The following TRIM16 variants were observed in gnomAD, a reference collection of about 807,000 sequenced individuals.
TRIM16 encodes tripartite motif containing 16, also known as tripartite motif-containing protein 16.
Under a neutral mutation model 50.4 loss-of-function variants are expected in TRIM16, and 33 were observed. The observed-to-expected ratio is 0.65, with a 90% CI of 0.50 to 0.88. The LOEUF (loss-of-function observed/expected upper bound fraction) is 0.88, where lower values mean the gene tolerates loss of function less well. TRIM16 is among the 40% of genes least tolerant of loss of function. The pLI, the probability that TRIM16 is intolerant of heterozygous loss-of-function variation, is 0.00. For missense variants in TRIM16, 581 were observed against 686.8 expected, an observed-to-expected ratio of 0.85 and a Z score of 1.72; for synonymous variants, 229 against 270.7, an observed-to-expected ratio of 0.85 and a Z score of 1.51.
At chr17:15,635,857 C>T (rs1567670758) in intron 9 of TRIM16, among the ~76,000 whole-genome samples, 179 bp downstream of exon 9, 1 of 137,514 alleles carries the variant, frequency 7.3e-6, no homozygotes, top group Admixed American at 7.3e-5. Flanking sequence ...GAGCAGTTCT[C>T]CCTCCCTACC....
chr17:15,658,468 ATAT>A (rs1988074640), intron 6 of TRIM16, among the ~76,000 whole-genome samples: 1 of 152,174 alleles, frequency 6.6e-6, no homozygotes, highest in Admixed American at 6.5e-5. Flanking sequence ...AACACAGGTA[ATAT>A]TTGTCCACCA....
chr17:15,655,992 A>C (rs1200608458), intron 6 of TRIM16, among the ~76,000 whole-genome samples: 3 of 152,122 alleles, frequency 2.0e-5, no homozygotes, highest in Non-Finnish European at 4.4e-5. Flanking sequence ...GTGGGGTCTA[A>C]GTGCATGTCC....
chr17:15,647,359 C>G (rs562014113), intron 7 of TRIM16, among the ~76,000 whole-genome samples: 4 of 152,368 alleles, frequency 2.6e-5, no homozygotes, highest in African/African-American at 7.2e-5. Flanking sequence ...GCCAGTTAAC[C>G]GCTCCCCAGA....
chr17:15,683,232 T>C (rs1349663693), intron 1 of TRIM16, 75 bp from the exon 2 acceptor site: 2 of 1,132,882 alleles, frequency 1.8e-6, no homozygotes, highest in Admixed American at 2.4e-5. Context: ...GAGACTCTAC[T>C]CAGAACGCAG....
In TRIM16 at chr17:15,671,091, C is replaced by T. The variant is rs533646584; in HGVS notation, c.-338+6085G>A. ...AAATTGGCATATCTTCTGATACAGTCAACTTTGGCAAACCAAGGAAAAACA... is the reference window on the plus strand; with the variant it reads ...AAATTGGCATATCTTCTGATACAGTTAACTTTGGCAAACCAAGGAAAAACA... On this transcript the variant is annotated intron_variant, in intron 6 of 11. Coordinates refer to ENST00000649191, the MANE Select transcript of TRIM16 (RefSeq NM_001348119.1). Among the ~76,000 whole-genome samples the T allele has an allele frequency of 4.6e-5, 7 of 152,388 alleles. No individual in the cohort carries two copies. In the East Asian group the frequency reaches 1.3e-3, roughly 29 times the overall value.
rs538599674 is a variant in TRIM16, at chr17:15,642,090, C to T, written c.615+631G>A. Among the ~76,000 whole-genome samples, 38 of 148,962 alleles carry T rather than the reference C, an allele frequency of 2.6e-4. 1 individual carries two copies. The highest frequency in any genetic ancestry group is 1.6e-3 in the Admixed American group (24 of 15,054). On this transcript the variant is annotated intron_variant, in intron 8 of 11. Coordinates refer to ENST00000649191, the MANE Select transcript of TRIM16 (RefSeq NM_001348119.1). ...AACTCCTGACCTCAAGTGATCCACC[C>T]ACTTCAGCCTCTCAAAGTGTTGGGA...
intron 1 of TRIM16, chr17:15,683,474 A>G (rs1274873038): frequency 2.5e-5 from 5 of 197,290 alleles, no homozygotes; most frequent in Non-Finnish European, 5.2e-5. Flanking sequence ...CCTGGATTCT[A>G]ATTTCCACTA....
intron 8 of TRIM16, among the ~76,000 whole-genome samples, chr17:15,641,449 G>A (rs1987111638): frequency 6.7e-6 from 1 of 148,650 alleles, no homozygotes; most frequent in Non-Finnish European, 1.5e-5. Flanking sequence ...CCTTGTGCAT[G>A]GTAGCTATTG....
intron 6 of TRIM16, among the ~76,000 whole-genome samples, chr17:15,664,702 A>C (rs1211954518): frequency 6.6e-6 from 1 of 152,068 alleles, no homozygotes; most frequent in Non-Finnish European, 1.5e-5. Flanking sequence ...TCACAGTATC[A>C]ACGTCATGAT....
chr17:15,654,929 A>G (rs1022064893), intron 6 of TRIM16, among the ~76,000 whole-genome samples: 3 of 152,088 alleles, frequency 2.0e-5, no homozygotes, highest in Non-Finnish European at 4.4e-5. Flanking sequence ...CCACAGCACT[A>G]TGAGATGGGG....
At chr17:15,678,200 C>T (rs1420993188) in intron 4 of TRIM16, among the ~76,000 whole-genome samples, 2 of 146,958 alleles carry the variant, frequency 1.4e-5, no homozygotes, top group South Asian at 2.1e-4. Flanking sequence ...GCCTGGGCAA[C>T]AGAACGAGAC....
At position 15,642,802 on chromosome 17, in the gene TRIM16, G is replaced by A. The variant is rs760761582; in HGVS notation, c.534C>T (p.Cys178=). 9 of 705,918 alleles carry A rather than the reference G, an allele frequency of 1.3e-5. 2 individuals carry two copies. Among genetic ancestry groups the A allele is most frequent in the South Asian group, 1.2e-4 (7 of 56,086 alleles). 43.7% of individuals were successfully genotyped at this position (705,918 alleles called of 1,614,324 possible). A position where few individuals can be genotyped will look rare whatever the true frequency, so the allele number is the denominator to read the frequency against. The change falls in exon 8 of 12, where the codon TGC becomes TGT. Residue 178 remains cysteine, a synonymous_variant. Coordinates refer to ENST00000649191, the MANE Select transcript of TRIM16 (RefSeq NM_001348119.1). ...ARRDKEAELQ[C]TQLDLERKLK... ...GTTTCCGCTCCAAGTCTAACTGGGT[G>A]CACTGGAGTTCAGCCTAAAAGTGGA...
At chr17:15,671,958 C>T (rs1436070758) in intron 6 of TRIM16, among the ~76,000 whole-genome samples, 7 of 151,776 alleles carry the variant, frequency 4.6e-5, no homozygotes, top group Non-Finnish European at 8.8e-5. Context: ...TGCCTCTTAA[C>T]TTAAAGAAAA....
intron 6 of TRIM16, among the ~76,000 whole-genome samples, chr17:15,676,437 T>C (rs1320891850): frequency 2.7e-5 from 4 of 150,212 alleles, no homozygotes; most frequent in African/African-American, 4.9e-5. Context: ...TTTTCTTTTT[T>C]TTTTTTTTTT....
Position 15,651,643 on chromosome 17 carries a change from T to C in TRIM16, c.-34A>G, listed in dbSNP as rs370573399. ...CTCTGCTCCTAGGCTGTCTTTCTTC[T>C]GTCCCTTGGCCCAGGATCTGTGCAG... On this transcript the variant is annotated 5_prime_UTR_variant, in exon 7 of 12. Coordinates refer to ENST00000649191, the MANE Select transcript of TRIM16 (RefSeq NM_001348119.1). The C allele has an allele frequency of 4.4e-6, 7 of 1,599,496 alleles. No homozygotes were observed. The African/African-American group carries it at 6.7e-5, about 15-fold the overall frequency.
At chr17:15,670,661 TG>T (rs1289621850) in intron 6 of TRIM16, among the ~76,000 whole-genome samples, 3 of 152,202 alleles carry the variant, frequency 2.0e-5, no homozygotes, top group Non-Finnish European at 4.4e-5. Context: ...ACAGGGATGA[TG>T]ACAAATGATC....
intron 4 of TRIM16, 52 bp downstream of exon 4, chr17:15,680,813 C>G (rs1597682800): frequency 6.6e-7 from 1 of 1,507,216 alleles, no homozygotes; most frequent in East Asian, 2.5e-5. Flanking sequence ...AGGAAAATCC[C>G]CAACTCAATT....
chr17:15,655,597 C>T (rs150609444), intron 6 of TRIM16, among the ~76,000 whole-genome samples: 12 of 150,650 alleles, frequency 8.0e-5, no homozygotes, highest in Non-Finnish European at 1.5e-4. Context: ...TTTTTTGAGA[C>T]GGAGTATCGC....
intron 6 of TRIM16, among the ~76,000 whole-genome samples, chr17:15,665,956 CAG>C (rs983123767): frequency 2.0e-5 from 3 of 152,212 alleles, no homozygotes; most frequent in African/African-American, 7.2e-5. Context: ...GTTCTTTTCT[CAG>C]AGATTGCCAC....
Sources: gnomAD v4.1 joint callset for allele counts (sites outside exome capture counted in the v4.1 genomes callset) on GRCh38, gnomAD v4.1.1 for gene constraint, MANE v1.5 for transcripts, NCBI Gene and HGNC (gene_info 2026-07-23, HGNC 2026-07-21) for gene names.